The following P2RY8 variants were observed in gnomAD, a reference collection of about 807,000 sequenced individuals.
The protein encoded by P2RY8 is S-geranylgeranyl-glutathione receptor P2RY8.
A neutral mutation model predicts 10.0 loss-of-function variants in P2RY8; 6 were observed. That is an observed-to-expected ratio of 0.60 (90% confidence interval 0.33 to 1.19). The LOEUF (loss-of-function observed/expected upper bound fraction) is 1.19, where lower values mean the gene tolerates loss of function less well. Among genes scored for constraint, P2RY8 ranks in the 50% most tolerant of loss-of-function variants. The pLI, the probability that P2RY8 is intolerant of heterozygous loss-of-function variation, is 0.04. For synonymous variants in P2RY8, 276 were observed against 252.5 expected (o/e 1.09, Z -0.88); for missense variants, 456 against 542.0 (o/e 0.84, Z 1.58).
Position 1,463,431 on chromosome X carries a change from G to A in P2RY8, c.*2048C>T, listed in dbSNP as rs2091615272. On this transcript the variant is annotated 3_prime_UTR_variant, in exon 2 of 2. Transcript: ENST00000381297. The stretch of plus-strand genomic sequence containing the variant: ...GGGCTCCAGGTGTCCCTGGGCTTGT[G>A]GCCGCATCACTCCAGTCTGCCTCTG... 4.3e-6 allele frequency: 1 copy of A among 232,264 alleles called. No individual in the cohort carries two copies. The highest frequency in any genetic ancestry group is 6.1e-5 in the East Asian group (1 of 16,524). 14.4% of individuals were successfully genotyped at this position (232,264 alleles called of 1,614,324 possible).
intron 1 of P2RY8, among the ~76,000 whole-genome samples, chrX:1,523,851 T>C (rs2092410439): frequency 6.6e-6 from 1 of 152,012 alleles, no homozygotes; most frequent in Non-Finnish European, 1.5e-5. Flanking sequence ...GCCCGGCTAA[T>C]TTTGTATTTT....
chrX:1,482,499 T>C (rs1388357503), intron 1 of P2RY8, among the ~76,000 whole-genome samples: 2 of 152,158 alleles, frequency 1.3e-5, no homozygotes, highest in African/African-American at 2.4e-5. Flanking sequence ...CTTGACTTCC[T>C]AACAGCTGCT....
chrX:1,523,749 C>G (rs1201173437), intron 1 of P2RY8, among the ~76,000 whole-genome samples: 2 of 152,304 alleles, frequency 1.3e-5, no homozygotes, highest in East Asian at 1.9e-4. Context: ...GTGGCACGAT[C>G]TGTGTTCATC....
intron 1 of P2RY8, among the ~76,000 whole-genome samples, chrX:1,498,222 T>C (rs369959475): frequency 2.2e-4 from 34 of 151,422 alleles, no homozygotes; most frequent in Non-Finnish European, 5.0e-4. Flanking sequence ...CTGGCCAACA[T>C]GCTGAAACCC....
intron 1 of P2RY8, among the ~76,000 whole-genome samples, chrX:1,480,890 A>C (rs2091927032): frequency 6.6e-6 from 1 of 151,230 alleles, no homozygotes; most frequent in African/African-American, 2.5e-5. Context: ...AAAAACTCTT[A>C]AGATTCAACC....
intron 1 of P2RY8, among the ~76,000 whole-genome samples, chrX:1,518,520 T>C (rs2092368259): frequency 6.6e-6 from 1 of 151,234 alleles, no homozygotes; most frequent in Non-Finnish European, 1.5e-5. Flanking sequence ...TATTCTCTGA[T>C]TCCCCAAAAG....
At chrX:1,507,711 A>G (rs1487488458) in intron 1 of P2RY8, among the ~76,000 whole-genome samples, 14 of 152,084 alleles carry the variant, frequency 9.2e-5, no homozygotes, top group Non-Finnish European at 1.3e-4. Flanking sequence ...TCTCCCTGCC[A>G]CATTCATGAG....
chrX:1,489,067 C>T (rs1374885057), intron 1 of P2RY8, among the ~76,000 whole-genome samples: 2 of 150,690 alleles, frequency 1.3e-5, no homozygotes, highest in Non-Finnish European at 3.0e-5. Context: ...TTCATTCCCA[C>T]AAATGTGCAG....
At position 1,463,204 on chromosome X, in the gene P2RY8, ACGCT is replaced by A. The variant is rs2091611565; in HGVS notation, c.*2271_*2274del. On this transcript the variant is annotated 3_prime_UTR_variant, in exon 2 of 2. Coordinates refer to ENST00000381297, the MANE Select transcript of P2RY8 (RefSeq NM_178129.5). ...CCCCCATGAGACACACCCAAGGCCCACGCTCAGCACTTGCGACCTGTACTCCTGC... is the reference window on the plus strand; with the variant it reads ...CCCCCATGAGACACACCCAAGGCCCACAGCACTTGCGACCTGTACTCCTGC... 1 of 233,092 alleles carries A rather than the reference ACGCT, an allele frequency of 4.3e-6. No homozygotes were observed. Among genetic ancestry groups the A allele is most frequent in the South Asian group, 1.8e-4 (1 of 5,526 alleles). 14.4% of individuals were successfully genotyped at this position (233,092 alleles called of 1,614,324 possible).
In P2RY8 at chrX:1,465,506, G is replaced by T. The variant is rs146188830; in HGVS notation, c.1053C>A (p.Gly351=). Residue 351 remains glycine, a synonymous_variant, in exon 2 of 2, where the codon GGC becomes GGA. Coordinates refer to ENST00000381297, the MANE Select transcript of P2RY8 (RefSeq NM_178129.5). ...PEGMEGATRP[G]LQRQESVF is the part of the protein sequence containing the mutation. ...AGAACACACTCTCCTGCCTCTGGAG[G>T]CCGGGCCTGGTGGCTCCCTCCATCC... The T allele has an allele frequency of 6.0e-4, 970 of 1,609,302 alleles. 6 individuals are homozygous for T. The African/African-American group carries it at 9.3e-3, about 15-fold the overall frequency.
chrX:1,530,778 G>A (rs750612153), intron 1 of P2RY8, among the ~76,000 whole-genome samples: 6 of 148,494 alleles, frequency 4.0e-5, no homozygotes, highest in Admixed American at 2.0e-4. Context: ...TCTAATTTAC[G>A]TATGTATCTT....
intron 1 of P2RY8, among the ~76,000 whole-genome samples, chrX:1,467,686 T>G (rs1603453216): frequency 6.6e-6 from 1 of 152,236 alleles, no homozygotes; most frequent in African/African-American, 2.4e-5. Flanking sequence ...TTTGTTTGTT[T>G]GTTTTATAGA....
At chrX:1,506,739 G>A (rs1458648501) in intron 1 of P2RY8, among the ~76,000 whole-genome samples, 7 of 151,192 alleles carry the variant, frequency 4.6e-5, no homozygotes, top group African/African-American at 1.2e-4. Context: ...GTGCAGTGGC[G>A]CAATCTTGGC....
At chrX:1,530,104 T>A (rs1245940579) in intron 1 of P2RY8, among the ~76,000 whole-genome samples, 1 of 105,272 alleles carries the variant, frequency 9.5e-6, no homozygotes, top group Non-Finnish European at 2.0e-5. Context: ...TATGTATCCA[T>A]GTATCTATGT....
At chrX:1,506,236 GC>G (rs2092232316) in intron 1 of P2RY8, among the ~76,000 whole-genome samples, 1 of 151,958 alleles carries the variant, frequency 6.6e-6, no homozygotes, top group African/African-American at 2.4e-5. Flanking sequence ...TAGACGACCC[GC>G]CTGCCTGAGC....
At chrX:1,501,437 C>T (rs375332120) in intron 1 of P2RY8, among the ~76,000 whole-genome samples, 86 of 152,264 alleles carry the variant, frequency 5.6e-4, no homozygotes, top group African/African-American at 2.0e-3. Flanking sequence ...ATATAGCTCA[C>T]TGCAACCTCA....
At chrX:1,477,196 A>AG (rs1556675914) in intron 1 of P2RY8, among the ~76,000 whole-genome samples, 1 of 35,046 alleles carries the variant, frequency 2.9e-5, no homozygotes, top group African/African-American at 1.3e-4. Flanking sequence ...CTCAAAAAAA[A>AG]AAAAAGAAGA....
intron 1 of P2RY8, among the ~76,000 whole-genome samples, chrX:1,479,587 A>C (rs1224144636): frequency 6.6e-6 from 1 of 152,250 alleles, no homozygotes; most frequent in African/African-American, 2.4e-5. Flanking sequence ...GAAAGAAATA[A>C]ATCATAAATA....
rs189104159 is a variant in P2RY8 at position 1,499,231 on chromosome X, C to T, written c.-24-32649G>A. On this transcript the variant is annotated intron_variant, in intron 1 of 1. Coordinates refer to ENST00000381297, the MANE Select transcript of P2RY8 (RefSeq NM_178129.5). ...AGGCTGGAGTGCAATGGCACGATCT[C>T]GGTTCAGTGAAACCTCTGCCTCCCA... Among the ~76,000 whole-genome samples, 166 of 144,842 alleles carry T rather than the reference C, an allele frequency of 1.1e-3. 1 individual carries two copies. The East Asian group carries it at 0.012, about 11-fold the overall frequency.
Sources: allele counts gnomAD v4.1 joint callset (sites outside exome capture counted in the v4.1 genomes callset), GRCh38; gene constraint gnomAD v4.1.1; transcripts MANE v1.5; gene names NCBI Gene and HGNC (gene_info 2026-07-23, HGNC 2026-07-21).